AP3D1: variants seen among roughly 807,000 people sequenced by gnomAD.
The protein encoded by AP3D1 is AP-3 complex subunit delta-1.
Under a neutral mutation model 147.6 loss-of-function variants are expected in AP3D1, and 51 were observed. The observed-to-expected ratio is 0.35, with a 90% confidence interval of 0.28 to 0.44. The LOEUF is 0.44. AP3D1 is among the 20% of genes least tolerant of loss of function. The pLI is 1.00. For missense variants in AP3D1, 1,421 were observed against 1,624.2 expected (o/e 0.87, Z 2.15); for synonymous variants, 760 against 663.0 (o/e 1.15, Z -2.25).
chr19:2,131,968 G>A (rs183014818), intron 5 of AP3D1, among the ~76,000 whole-genome samples: 10 of 152,368 alleles, frequency 6.6e-5, no homozygotes, highest in Admixed American at 6.5e-4. Context: ...TGTTTTAAAT[G>A]AAAAGGAACA....
At chr19:2,116,052 C>T (rs533136875) in intron 18 of AP3D1, among the ~76,000 whole-genome samples, 155 bp downstream of exon 18, 8 of 152,314 alleles carry the variant, frequency 5.3e-5, no homozygotes, top group Admixed American at 4.6e-4. Context: ...CACAGGGAGG[C>T]GCCTGCCCCT....
chr19:2,129,569 C>T, intron 6 of AP3D1, 112 bp from the exon 7 acceptor site: 2 of 1,341,830 alleles, frequency 1.5e-6, no homozygotes, highest in Admixed American at 2.7e-5. Context: ...TCCCACTGAA[C>T]ATGGCCCTGG....
intron 1 of AP3D1, among the ~76,000 whole-genome samples, chr19:2,149,922 G>A (rs2019460559): frequency 6.6e-6 from 1 of 152,240 alleles, no homozygotes; most frequent in Non-Finnish European, 1.5e-5. Context: ...CAAAGAATCT[G>A]AACATTACTC....
chr19:2,147,730 C>T (rs879722561), intron 1 of AP3D1, among the ~76,000 whole-genome samples: 26 of 150,026 alleles, frequency 1.7e-4, no homozygotes, highest in African/African-American at 6.4e-4. Context: ...CCCATCTCTA[C>T]TAAAAATACA....
chr19:2,116,014 C>T (rs2145044280), intron 18 of AP3D1, among the ~76,000 whole-genome samples, 193 bp downstream of exon 18: 2 of 152,386 alleles, frequency 1.3e-5, no homozygotes, highest in South Asian at 4.1e-4. Context: ...ACAGGGCCCC[C>T]CGGCTGGAGG....
At chr19:2,164,260 G>A in intron 1 of AP3D1, 2 of 1,273,818 alleles carry the variant, frequency 1.6e-6, no homozygotes. Context: ...GCCGCTGCCG[G>A]TCTACGTGAG....
At chr19:2,119,966 A>C (rs2018565184) in intron 14 of AP3D1, among the ~76,000 whole-genome samples, 2 of 152,142 alleles carry the variant, frequency 1.3e-5, no homozygotes, top group Admixed American at 1.3e-4. Context: ...GAGGGGAAAA[A>C]AAGAAAATGA....
In AP3D1 at chr19:2,101,838, G is replaced by T. The variant is rs2017962385; in HGVS notation, c.*335C>A. ...GTGCCCCTCACGTGGTGCCCATCAGGCCCTGGCCCAGGACAGGAGCCCCTG... is the reference window on the plus strand; with the variant it reads ...GTGCCCCTCACGTGGTGCCCATCAGTCCCTGGCCCAGGACAGGAGCCCCTG... On this transcript the variant is annotated 3_prime_UTR_variant, in exon 32 of 32. Transcript: ENST00000643116. 6.7e-6 allele frequency: 2 copies of T among 299,968 alleles called. No individual in the cohort carries two copies. Among genetic ancestry groups the T allele is most frequent in the Admixed American group, 5.1e-5 (1 of 19,552 alleles). The allele number at this position is 299,968 out of a possible 1,614,324, so 18.6% of individuals were successfully genotyped here.
chr19:2,102,361 A>G (rs2017978908), intron 31 of AP3D1, 93 bp from the exon 32 acceptor site: 1 of 1,067,200 alleles, frequency 9.4e-7, no homozygotes, highest in Admixed American at 1.8e-5. Context: ...TGGGAGGCCA[A>G]GGTGGGTGGA....
intron 31 of AP3D1, among the ~76,000 whole-genome samples, chr19:2,104,235 G>A (rs918249991): frequency 5.0e-5 from 6 of 118,956 alleles, no homozygotes; most frequent in East Asian, 2.6e-4. Context: ...CCGAGATGCC[G>A]AAACCCAGAC....
chr19:2,120,072 G>A (rs887351635), intron 14 of AP3D1, among the ~76,000 whole-genome samples: 2 of 152,198 alleles, frequency 1.3e-5, no homozygotes, highest in African/African-American at 4.8e-5. Flanking sequence ...CCCAGGGTGG[G>A]GAGTGCTCGG....
At chr19:2,145,908 A>G (rs1275339630) in intron 1 of AP3D1, among the ~76,000 whole-genome samples, 2 of 152,328 alleles carry the variant, frequency 1.3e-5, no homozygotes, top group East Asian at 1.9e-4. Context: ...AGTGAACCGC[A>G]CTCATAAGCA....
intron 1 of AP3D1, among the ~76,000 whole-genome samples, chr19:2,148,357 C>T (rs1259708068): frequency 6.6e-6 from 1 of 152,196 alleles, no homozygotes; most frequent in Non-Finnish European, 1.5e-5. Context: ...ATAGGTTTTG[C>T]ATGGGAACCC....
rs117478350 is a variant in AP3D1 at position 2,145,069 on chromosome 19, A to G, written c.96+6170T>C. Reference sequence around the variant, plus strand: ...AAATCTACTTCATTTCATGCCTAGAACAGGCAGATTTTGTGGCATGTAAAT... The same window carrying G: ...AAATCTACTTCATTTCATGCCTAGAGCAGGCAGATTTTGTGGCATGTAAAT... On this transcript the variant is annotated intron_variant, in intron 1 of 31. Coordinates refer to ENST00000643116, the MANE Select transcript of AP3D1 (RefSeq NM_001261826.3). Among the ~76,000 whole-genome samples, 1,362 of 152,338 alleles carry G rather than the reference A, an allele frequency of 8.9e-3. 8 individuals are homozygous for G. Among genetic ancestry groups the G allele is most frequent in the Non-Finnish European group, 0.016 (1,085 of 68,040 alleles).
intron 14 of AP3D1, 58 bp from the exon 15 acceptor site, chr19:2,118,890 C>T: frequency 1.3e-6 from 2 of 1,518,268 alleles, no homozygotes; most frequent in Non-Finnish European, 1.8e-6. Flanking sequence ...TCCTCTCTAG[C>T]AGGTGAGGAC....
intron 11 of AP3D1, among the ~76,000 whole-genome samples, chr19:2,122,309 G>A (rs1439610978): frequency 1.3e-5 from 2 of 152,216 alleles, no homozygotes; most frequent in Non-Finnish European, 2.9e-5. Context: ...GACAGCTAAG[G>A]GTGGCTGGGC....
At position 2,127,426 on chromosome 19, in the gene AP3D1, C is replaced by T. The variant is rs114803942; in HGVS notation, c.807-225G>A. The stretch of plus-strand genomic sequence containing the variant: ...AGCAATCCCTCTGCAACTGCAGGCC[C>T]GTGACAGCATCCACGCAGGGACGGA... On this transcript the variant is annotated intron_variant, in intron 8 of 31. Transcript: ENST00000643116. Among the ~76,000 whole-genome samples, 679 of 152,334 alleles carry T rather than the reference C, an allele frequency of 4.5e-3. 4 individuals are homozygous for T. Among genetic ancestry groups the T allele is most frequent in the African/African-American group, 0.015 (618 of 41,576 alleles).
At chr19:2,134,595 AG>A (rs1379645190) in intron 4 of AP3D1, among the ~76,000 whole-genome samples, 1 of 146,946 alleles carries the variant, frequency 6.8e-6, no homozygotes, top group African/African-American at 2.5e-5. Context: ...AAAAAAAAAA[AG>A]AAAGAAAATA....
upstream of AP3D1, among the ~76,000 whole-genome samples, chr19:2,154,569 G>A (rs1473909151): frequency 2.0e-5 from 3 of 152,128 alleles, no homozygotes; most frequent in South Asian, 2.1e-4. Context: ...GAGCCACCAC[G>A]CCCCATCCTA....
Sources: gnomAD v4.1 joint callset for allele counts (sites outside exome capture counted in the v4.1 genomes callset) on GRCh38, gnomAD v4.1.1 for gene constraint, MANE v1.5 for transcripts, NCBI Gene and HGNC (gene_info 2026-07-23, HGNC 2026-07-21) for gene names.